MYO16: variants seen among roughly 807,000 people sequenced by gnomAD.
MYO16 encodes unconventional myosin-XVI.
In MYO16, 94 loss-of-function variants were observed where a neutral mutation model predicts 205.3. That is an observed-to-expected ratio of 0.46 (90% CI 0.39 to 0.54). MYO16 has a LOEUF of 0.54. MYO16 is among the 20% of genes least tolerant of loss of function. The pLI, the probability that MYO16 is intolerant of heterozygous loss-of-function variation, is 0.00. For synonymous variants in MYO16, 988 were observed against 954.0 expected (o/e 1.04, Z -0.66); for missense variants, 2,315 against 2,387.5 (o/e 0.97, Z 0.63).
intron 16 of MYO16, among the ~76,000 whole-genome samples, chr13:108,917,965 G>A (rs556706309): frequency 5.3e-5 from 8 of 152,296 alleles, no homozygotes; most frequent in Non-Finnish European, 8.8e-5. Flanking sequence ...TGTTGCAGAC[G>A]AAGTGACTGA....
At chr13:108,787,001 T>G (rs1276607253) in intron 5 of MYO16, among the ~76,000 whole-genome samples, 1 of 152,210 alleles carries the variant, frequency 6.6e-6, no homozygotes, top group African/African-American at 2.4e-5. Context: ...AGTTAATTAT[T>G]TGGATCCTTG....
intron 4 of MYO16, among the ~76,000 whole-genome samples, chr13:108,771,553 A>T (rs1018114015): frequency 2.6e-5 from 4 of 152,068 alleles, no homozygotes; most frequent in African/African-American, 9.7e-5. Context: ...TGCATAGTCT[A>T]TGGATTTGGA....
intron 19 of MYO16, among the ~76,000 whole-genome samples, chr13:108,963,017 C>G (rs919401423): frequency 2.6e-5 from 4 of 152,234 alleles, no homozygotes; most frequent in African/African-American, 4.8e-5. Flanking sequence ...CTTTGAACCT[C>G]AAATCACTAG....
At chr13:108,664,414 C>G (rs1881635490) in intron 1 of MYO16, among the ~76,000 whole-genome samples, 1 of 152,150 alleles carries the variant, frequency 6.6e-6, no homozygotes, top group Non-Finnish European at 1.5e-5. Context: ...CCTCTCTCAA[C>G]TTGGTTTTCT....
chr13:108,727,625 C>A (rs1018004027), intron 4 of MYO16, 42 bp downstream of exon 4: 6 of 1,580,986 alleles, frequency 3.8e-6, no homozygotes, highest in African/African-American at 1.4e-5. Flanking sequence ...GATTTGATGG[C>A]ATGTAAAAGG....
chr13:108,576,079 G>T, the MYO16 span, among the ~76,000 whole-genome samples: 1 of 152,116 alleles, frequency 6.6e-6, no homozygotes, highest in South Asian at 2.1e-4. Flanking sequence ...CAAATCTGGA[G>T]ACCAGATTTG....
At chr13:109,198,478 T>A (rs1047697524) in intron 34 of MYO16, among the ~76,000 whole-genome samples, 1 of 152,206 alleles carries the variant, frequency 6.6e-6, no homozygotes, top group African/African-American at 2.4e-5. Flanking sequence ...TTGAGTCATA[T>A]ATAAATCATA....
At chr13:108,902,732 T>G (rs1035754109) in intron 15 of MYO16, among the ~76,000 whole-genome samples, 3 of 152,154 alleles carry the variant, frequency 2.0e-5, no homozygotes, top group Non-Finnish European at 4.4e-5. Context: ...GCCTCTTCTC[T>G]TCTCCAAAGG....
At chr13:108,850,124 T>C (rs1057104545) in intron 10 of MYO16, among the ~76,000 whole-genome samples, 2 of 151,696 alleles carry the variant, frequency 1.3e-5, no homozygotes, top group Non-Finnish European at 2.9e-5. Flanking sequence ...ATTTCCTCTT[T>C]TTGTGTGTGT....
At chr13:109,136,488 A>G (rs1876784231) in intron 31 of MYO16, among the ~76,000 whole-genome samples, 1 of 152,178 alleles carries the variant, frequency 6.6e-6, no homozygotes, top group Non-Finnish European at 1.5e-5. Flanking sequence ...TTGTTCCTTT[A>G]TAGTGAATAG....
chr13:109,162,117 T>G lies in MYO16; in HGVS notation c.5165-2784T>G, dbSNP rs1241728677. Among the ~76,000 whole-genome samples the G allele has an allele frequency of 6.6e-6, 1 of 152,154 alleles. No individual in the cohort carries two copies. The highest frequency in any genetic ancestry group is 1.9e-4 in the East Asian group (1 of 5,196). ...AAAACAAAGCCCAAAAAACATGTCTTGGCTATAGTTTAACCTGCCAATTGA... is the reference window on the plus strand; with the variant it reads ...AAAACAAAGCCCAAAAAACATGTCTGGGCTATAGTTTAACCTGCCAATTGA... On this transcript the variant is annotated intron_variant, in intron 32 of 34. Transcript: ENST00000457511. This position sits in a 1 kb window ranked among gnomAD's most constrained non-coding sequence, Gnocchi z 4.6.
At chr13:108,649,728 G>A (rs1403860803) in intron 1 of MYO16, among the ~76,000 whole-genome samples, 1 of 152,136 alleles carries the variant, frequency 6.6e-6, no homozygotes, top group African/African-American at 2.4e-5. Context: ...GTGAAGTGGT[G>A]AGAGAATAAA....
At chr13:108,955,637 G>A (rs1883320182) in intron 16 of MYO16, among the ~76,000 whole-genome samples, 1 of 152,266 alleles carries the variant, frequency 6.6e-6, no homozygotes, top group Middle Eastern at 3.4e-3. Context: ...GGTGGATCAC[G>A]AGGTAAGGAG....
chr13:109,099,993 A>C (rs1380394878), intron 27 of MYO16, among the ~76,000 whole-genome samples: 1 of 152,216 alleles, frequency 6.6e-6, no homozygotes, highest in Non-Finnish European at 1.5e-5. Context: ...GAACATGAGA[A>C]TCATAAACAC....
rs12583747 is a variant in MYO16 at position 108,804,742 on chromosome 13, G to A, written c.742-1937G>A. ...GGTTTTCATTTGTTTGTTTATTTTG[G>A]TTTTGGGATTACCTAGAAGTAAACT... On this transcript the variant is annotated intron_variant, in intron 6 of 34. Coordinates refer to ENST00000457511, the MANE Select transcript of MYO16 (RefSeq NM_001198950.3). Among the ~76,000 whole-genome samples the A allele has an allele frequency of 6.7e-3, 1,019 of 152,142 alleles. 9 individuals are homozygous for A. The highest frequency in any genetic ancestry group is 0.014 in the Middle Eastern group (4 of 294).
At chr13:109,129,981 CAAAA>C (rs34860945) in intron 31 of MYO16, among the ~76,000 whole-genome samples, 3 of 98,996 alleles carry the variant, frequency 3.0e-5, no homozygotes, top group Admixed American at 1.1e-4. Context: ...CTATGGGCAG[CAAAA>C]AAAAAAAAAA....
At chr13:108,734,221 T>C (rs1215554036) in intron 4 of MYO16, among the ~76,000 whole-genome samples, 1 of 151,916 alleles carries the variant, frequency 6.6e-6, no homozygotes. Flanking sequence ...CTTATACATA[T>C]ATTATTAAAA....
At chr13:108,799,774 C>T (rs1396788387) in intron 6 of MYO16, among the ~76,000 whole-genome samples, 2 of 152,046 alleles carry the variant, frequency 1.3e-5, no homozygotes, top group East Asian at 3.9e-4. Flanking sequence ...GTTGGGAAGT[C>T]CGTAGAAGGG....
At chr13:108,680,787 A>C (rs1594203978) in intron 2 of MYO16, among the ~76,000 whole-genome samples, 1 of 152,304 alleles carries the variant, frequency 6.6e-6, no homozygotes, top group East Asian at 1.9e-4. Flanking sequence ...TGGGGAGATG[A>C]GGGAGTGTAT....
Sources: gnomAD v4.1 joint callset for allele counts (sites outside exome capture counted in the v4.1 genomes callset) on GRCh38, gnomAD v4.1.1 for gene constraint, Gnocchi (gnomAD v3.1) non-coding constraint, MANE v1.5 for transcripts, NCBI Gene and HGNC (gene_info 2026-07-23, HGNC 2026-07-21) for gene names.